The following LVRN variants were observed in gnomAD, a reference collection of about 807,000 sequenced individuals.
LVRN encodes laeverin.
Under a neutral mutation model 111.4 loss-of-function variants are expected in LVRN, and 99 were observed. That is an observed-to-expected ratio of 0.89 (90% CI 0.76 to 1.05). LVRN has a LOEUF of 1.05. LVRN is among the 50% of genes least tolerant of loss of function. The pLI, the probability that LVRN is intolerant of heterozygous loss-of-function variation, is 0.00. For missense variants in LVRN, 1,414 were observed against 1,206.8 expected, an observed-to-expected ratio of 1.17 and a Z score of -2.54; for synonymous variants, 488 against 449.5, an observed-to-expected ratio of 1.09 and a Z score of -1.08.
chr5:116,025,615 T>G (rs973041454), intron 19 of LVRN, among the ~76,000 whole-genome samples: 10 of 152,344 alleles, frequency 6.6e-5, no homozygotes, highest in Admixed American at 2.0e-4. Context: ...AGTTGCAGTT[T>G]CTTTTGAGAT....
chr5:116,003,462 G>A, intron 12 of LVRN, 82 bp downstream of exon 12: 3 of 935,668 alleles, frequency 3.2e-6, no homozygotes, highest in Non-Finnish European at 4.4e-6. Flanking sequence ...ATTCTGGTGG[G>A]AAGAGATTCC....
intron 1 of LVRN, among the ~76,000 whole-genome samples, chr5:115,969,773 C>T (rs1753282481): frequency 1.5e-5 from 2 of 137,714 alleles, no homozygotes; most frequent in African/African-American, 2.7e-5. Flanking sequence ...GCACTCCAGC[C>T]TGGGCAACAG....
Position 116,010,750 on chromosome 5 carries a change from T to C in LVRN, c.2103T>C (p.Tyr701=), listed in dbSNP as rs1043116164. Residue 701 remains tyrosine, a synonymous_variant, in exon 14 of 20, where the codon TAT becomes TAC. Coordinates refer to ENST00000357872, the MANE Select transcript of LVRN (RefSeq NM_173800.5). ...TTTTTAAATCAAACAGAAACAATTA[T>C]ATTGAGATTGAAACAGCACTTGAGT... The part of the protein sequence containing the change: ...DDAFSLSKNN[Y]IEIETALELT... 1.9e-6 allele frequency: 3 copies of C among 1,595,494 alleles called. No homozygotes were observed. The highest frequency in any genetic ancestry group is 2.6e-6 in the Non-Finnish European group (3 of 1,172,936).
chr5:116,005,482 T>C (rs962149680), intron 12 of LVRN, among the ~76,000 whole-genome samples: 12 of 152,152 alleles, frequency 7.9e-5, no homozygotes, highest in Admixed American at 1.3e-4. Context: ...TGTGAAAAAA[T>C]ATGGTACCTC....
At chr5:116,002,523 G>A (rs564103195) in intron 10 of LVRN, among the ~76,000 whole-genome samples, 1 of 152,328 alleles carries the variant, frequency 6.6e-6, no homozygotes, top group East Asian at 1.9e-4. Flanking sequence ...ACCCTTGAGT[G>A]AAGCCAGGTG....
chr5:115,997,069 C>G (rs187344583), intron 6 of LVRN, among the ~76,000 whole-genome samples: 44 of 152,286 alleles, frequency 2.9e-4, no homozygotes, highest in African/African-American at 9.9e-4. Flanking sequence ...GATAAGTAAT[C>G]ACCGCAGTGG....
At chr5:116,003,835 C>A (rs1279450983) in intron 12 of LVRN, among the ~76,000 whole-genome samples, 3 of 152,124 alleles carry the variant, frequency 2.0e-5, no homozygotes, top group African/African-American at 7.2e-5. Context: ...CCTGCCTCGG[C>A]CTCTCAAAGT....
intron 1 of LVRN, among the ~76,000 whole-genome samples, chr5:115,963,950 G>T (rs1425855767): frequency 6.6e-6 from 1 of 152,022 alleles, no homozygotes; most frequent in Admixed American, 6.6e-5. Flanking sequence ...TCAACAAACC[G>T]CTTGCCCCTC....
chr5:115,986,815 G>A (rs1346787731), intron 3 of LVRN, among the ~76,000 whole-genome samples: 1 of 152,092 alleles, frequency 6.6e-6, no homozygotes, highest in Non-Finnish European at 1.5e-5. Context: ...AAAGTAAGAC[G>A]AATATGTTCT....
At chr5:116,000,527 A>C in intron 8 of LVRN, 29 bp downstream of exon 8, 3 of 1,613,124 alleles carry the variant, frequency 1.9e-6, no homozygotes, top group Non-Finnish European at 2.5e-6. Context: ...CGTTACCTGG[A>C]TGGCAGTAAA....
chr5:116,020,435 G>A lies in LVRN; in HGVS notation c.2757-1956G>A, dbSNP rs559883055. Among the ~76,000 whole-genome samples, 21 of 152,270 alleles carry A rather than the reference G, an allele frequency of 1.4e-4. 1 individual carries two copies. The highest frequency in any genetic ancestry group is 4.8e-4 in the African/African-American group (20 of 41,552). On this transcript the variant is annotated intron_variant, in intron 18 of 19. Transcript: ENST00000357872. ...GCATACAGAAAAACCACTTTTATTTGAATATAGAATACAGAGCATGATCAG... is the reference window on the plus strand; with the variant it reads ...GCATACAGAAAAACCACTTTTATTTAAATATAGAATACAGAGCATGATCAG...
intron 1 of LVRN, chr5:115,975,300 G>T: frequency 3.0e-6 from 1 of 336,528 alleles, no homozygotes; most frequent in Non-Finnish European, 5.7e-6. Flanking sequence ...GGCTGACAAA[G>T]TTATTCATTT....
intron 1 of LVRN, among the ~76,000 whole-genome samples, chr5:115,968,756 C>G (rs1753257314): frequency 6.6e-6 from 1 of 152,186 alleles, no homozygotes. Context: ...AACCCTCAGA[C>G]AAATTTTTCT....
rs756119068 is a variant in LVRN, at chr5:115,962,799, C to G, written c.182C>G (p.Pro61Arg). Residue 61 changes from proline to arginine, a missense_variant, in exon 1 of 20, where the codon CCC becomes CGC. Coordinates refer to ENST00000357872, the MANE Select transcript of LVRN (RefSeq NM_173800.5). ...LRDLEAESSP[P>R]LRQKPTPTPK... ...GACTTGGAAGCCGAGTCTTCCCCTC[C>G]CCTCAGGCAGAAGCCGACGCCAACC... The G allele has an allele frequency of 1.5e-5, 24 of 1,611,650 alleles. No individual in the cohort carries two copies. The East Asian group carries it at 4.5e-4, about 30-fold the overall frequency.
chr5:115,994,132 C>A lies in LVRN; in HGVS notation c.1374+278C>A, dbSNP rs558864731. Among the ~76,000 whole-genome samples the A allele has an allele frequency of 2.0e-5, 3 of 152,024 alleles. No homozygotes were observed. The South Asian group carries it at 6.2e-4, about 32-fold the overall frequency. ...TTTCTACATATTCATATTTCTACTT[C>A]ATAATCCTGAGTATTTCTACAAATC... is the stretch of plus-strand genomic sequence containing the variant. On this transcript the variant is annotated intron_variant, in intron 6 of 19. Coordinates refer to ENST00000357872, the MANE Select transcript of LVRN (RefSeq NM_173800.5).
At chr5:116,000,066 C>T (rs1314228623) in intron 7 of LVRN, among the ~76,000 whole-genome samples, 164 bp downstream of exon 7, 3 of 152,174 alleles carry the variant, frequency 2.0e-5, no homozygotes, top group African/African-American at 7.2e-5. Context: ...AATTAATTCT[C>T]ACCTTGCAAA....
rs1425252574 is a variant in LVRN at position 115,964,173 on chromosome 5, AT to A, written c.695+869del. On this transcript the variant is annotated intron_variant, in intron 1 of 19. Transcript: ENST00000357872. ...GCTTAAGTGGGAGATATCAAAATTT[AT>A]TTTTTTTCCAACCGGCGATCTCTTT... Among the ~76,000 whole-genome samples the A allele has an allele frequency of 3.2e-4, 49 of 151,884 alleles. 1 individual carries two copies. The highest frequency in any genetic ancestry group is 3.2e-3 in the Admixed American group (49 of 15,258).
intron 19 of LVRN, chr5:116,023,475 G>A (rs76244011): frequency 1.3e-5 from 2 of 152,220 alleles, no homozygotes; most frequent in East Asian, 3.8e-4. Flanking sequence ...AAAGCACTTT[G>A]ATTGGTCCTA....
chr5:116,018,462 C>T (rs1363804072), intron 18 of LVRN, among the ~76,000 whole-genome samples: 1 of 152,108 alleles, frequency 6.6e-6, no homozygotes, highest in Non-Finnish European at 1.5e-5. Flanking sequence ...CACCTGAGGT[C>T]GGGAGTTCGT....
Sources: allele counts gnomAD v4.1 joint callset (sites outside exome capture counted in the v4.1 genomes callset), GRCh38; gene constraint gnomAD v4.1.1; transcripts MANE v1.5; gene names NCBI Gene and HGNC (gene_info 2026-07-23, HGNC 2026-07-21).